ADAMTS12: variants seen among roughly 807,000 people sequenced by gnomAD.
ADAMTS12 encodes the protein ADAM metallopeptidase with thrombospondin type 1 motif 12, also known as A disintegrin and metalloproteinase with thrombospondin motifs 12.
Under a neutral mutation model 167.8 loss-of-function variants are expected in ADAMTS12, and 118 were observed. The observed-to-expected ratio is 0.70, with a 90% CI of 0.61 to 0.82. The LOEUF (loss-of-function observed/expected upper bound fraction) is 0.82, where lower values mean the gene tolerates loss of function less well. Ranked by LOEUF, ADAMTS12 falls within the 40% of genes least tolerant of loss-of-function variation. The pLI, the probability that ADAMTS12 is intolerant of heterozygous loss-of-function variation, is 0.00. For synonymous variants in ADAMTS12, 704 were observed against 716.9 expected, an observed-to-expected ratio of 0.98 and a Z score of 0.29; for missense variants, 1,916 against 1,998.8, an observed-to-expected ratio of 0.96 and a Z score of 0.79.
At chr5:33,575,790 C>T (rs1746666910) in intron 19 of ADAMTS12, among the ~76,000 whole-genome samples, 1 of 152,138 alleles carries the variant, frequency 6.6e-6, no homozygotes, top group African/African-American at 2.4e-5. Context: ...CAGGAACTCT[C>T]ATTTGGTTGG....
chr5:33,532,238 G>A (rs925594232), intron 23 of ADAMTS12, among the ~76,000 whole-genome samples: 10 of 152,116 alleles, frequency 6.6e-5, no homozygotes, highest in Non-Finnish European at 1.5e-4. Flanking sequence ...CAATTTCAAT[G>A]TTGTTGACAA....
chr5:33,843,154 G>A (rs994881927), intron 2 of ADAMTS12, among the ~76,000 whole-genome samples: 6 of 152,206 alleles, frequency 3.9e-5, no homozygotes, highest in South Asian at 2.1e-4. Flanking sequence ...GGGTTGGAAC[G>A]AGAGGAGAGC....
chr5:33,891,105 A>G (rs1279561164), intron 1 of ADAMTS12, among the ~76,000 whole-genome samples: 1 of 152,194 alleles, frequency 6.6e-6, no homozygotes, highest in Non-Finnish European at 1.5e-5. Context: ...TGCTTCCTAC[A>G]ATAACATGAG....
At chr5:33,662,707 C>A (rs570287514) in intron 5 of ADAMTS12, among the ~76,000 whole-genome samples, 1 of 152,246 alleles carries the variant, frequency 6.6e-6, no homozygotes, top group East Asian at 1.9e-4. Flanking sequence ...ACTGGGGCTA[C>A]GAGGGAAGGG....
chr5:33,824,427 A>G (rs1256133397), intron 2 of ADAMTS12, among the ~76,000 whole-genome samples: 1 of 152,228 alleles, frequency 6.6e-6, no homozygotes, highest in Non-Finnish European at 1.5e-5. Flanking sequence ...TTTTTAGAAG[A>G]GGACATTGCC....
rs1740397887 is a variant in ADAMTS12, at chr5:33,640,475, C to T, written c.1718+1335G>A. 2.0e-5 allele frequency among the ~76,000 whole-genome samples: 3 copies of T among 152,288 alleles called. No homozygotes were observed. In the South Asian group the frequency reaches 6.2e-4, roughly 32 times the overall value. ...ATAAGTCCCAGAGCAAATTGCCTTT[C>T]TTTTCTGATCTCTCAAATGAAAATG... On this transcript the variant is annotated intron_variant, in intron 11 of 23. Coordinates refer to ENST00000504830, the MANE Select transcript of ADAMTS12 (RefSeq NM_030955.4).
chr5:33,604,494 T>G (rs1201233261), intron 16 of ADAMTS12, among the ~76,000 whole-genome samples: 17 of 126,996 alleles, frequency 1.3e-4, no homozygotes, highest in Non-Finnish European at 2.5e-4. Flanking sequence ...AGACCAAAAC[T>G]CCATCTCAAA....
In ADAMTS12 at chr5:33,540,439, G is replaced by A. The variant is rs147291597; in HGVS notation, c.4447-5447C>T. Among the ~76,000 whole-genome samples the A allele has an allele frequency of 9.8e-3, 1,498 of 152,358 alleles. 22 individuals carry two copies. Among genetic ancestry groups the A allele is most frequent in the African/African-American group, 0.035 (1,435 of 41,580 alleles). The stretch of plus-strand genomic sequence containing the variant: ...CAGACTTAAACATCCCTGTCTGACA[G>A]CTCTGAAGAGAGCAGTGGTTCTCCC... On this transcript the variant is annotated intron_variant, in intron 22 of 23. Coordinates refer to ENST00000504830, the MANE Select transcript of ADAMTS12 (RefSeq NM_030955.4).
At chr5:33,742,586 T>C (rs11950512) in intron 3 of ADAMTS12, among the ~76,000 whole-genome samples, 3,134 of 152,290 alleles carry the variant, frequency 0.021, 104 homozygotes, top group African/African-American at 0.071. Context: ...CACCACACTG[T>C]AAACATACCT....
At chr5:33,605,249 C>T (rs186311934) in intron 16 of ADAMTS12, among the ~76,000 whole-genome samples, 2 of 152,316 alleles carry the variant, frequency 1.3e-5, no homozygotes, top group African/African-American at 4.8e-5. Context: ...CACATTTGTA[C>T]AATTTTTCCA....
At chr5:33,725,269 C>T (rs758577594) in intron 3 of ADAMTS12, among the ~76,000 whole-genome samples, 4 of 152,240 alleles carry the variant, frequency 2.6e-5, no homozygotes, top group East Asian at 1.9e-4. Flanking sequence ...ATTCCAATCC[C>T]GATTTCCTTC....
At chr5:33,746,934 C>T (rs965480222) in intron 3 of ADAMTS12, among the ~76,000 whole-genome samples, 3 of 152,168 alleles carry the variant, frequency 2.0e-5, no homozygotes, top group African/African-American at 4.8e-5. Flanking sequence ...CTAACCTGCC[C>T]TTTTGGATGG....
At chr5:33,767,191 A>C (rs568419625) in intron 2 of ADAMTS12, among the ~76,000 whole-genome samples, 40 of 152,318 alleles carry the variant, frequency 2.6e-4, no homozygotes, top group African/African-American at 9.6e-4. Flanking sequence ...GTTCAACATG[A>C]TTCCAACTTT....
At chr5:33,701,395 C>G (rs1216050184) in intron 3 of ADAMTS12, among the ~76,000 whole-genome samples, 1 of 152,128 alleles carries the variant, frequency 6.6e-6, no homozygotes, top group Non-Finnish European at 1.5e-5. Context: ...TAAGTATGAC[C>G]CAGTGAATTC....
At chr5:33,636,388 T>A (rs1159022166) in intron 12 of ADAMTS12, among the ~76,000 whole-genome samples, 6 of 152,096 alleles carry the variant, frequency 3.9e-5, no homozygotes, top group Admixed American at 3.9e-4. Context: ...TACACCTGAG[T>A]ATATGTCTGA....
intron 21 of ADAMTS12, among the ~76,000 whole-genome samples, chr5:33,547,588 C>A (rs1405271251): frequency 2.6e-5 from 4 of 152,140 alleles, no homozygotes; most frequent in Non-Finnish European, 4.4e-5. Flanking sequence ...GGGTACTCAA[C>A]TGACTTTTAC....
In ADAMTS12 at chr5:33,800,838, T is replaced by G. The variant is rs1746972774; in HGVS notation, c.490-49290A>C. Among the ~76,000 whole-genome samples the G allele has an allele frequency of 5.3e-5, 8 of 152,288 alleles. No homozygotes were observed. In the South Asian group the frequency reaches 1.7e-3, roughly 32 times the overall value. On this transcript the variant is annotated intron_variant, in intron 2 of 23. Coordinates refer to ENST00000504830, the MANE Select transcript of ADAMTS12 (RefSeq NM_030955.4). ...TTAAACAGAGATGTGGTTGCTTGAA[T>G]AACGGTATCTATGTCCTAATCCCTG...
chr5:33,873,706 T>C (rs777648728), intron 2 of ADAMTS12, among the ~76,000 whole-genome samples: 1 of 152,138 alleles, frequency 6.6e-6, no homozygotes, highest in Non-Finnish European at 1.5e-5. Context: ...AGTGAAAGAA[T>C]AGATAAATAG....
intron 9 of ADAMTS12, among the ~76,000 whole-genome samples, chr5:33,644,931 A>C (rs562718398): frequency 3.6e-4 from 54 of 152,064 alleles, no homozygotes; most frequent in African/African-American, 1.3e-3. Context: ...GGGGTTTCAC[A>C]GTGTTAGCCA....
Sources: allele counts gnomAD v4.1 joint callset (sites outside exome capture counted in the v4.1 genomes callset), GRCh38; gene constraint gnomAD v4.1.1; transcripts MANE v1.5; gene names NCBI Gene and HGNC (gene_info 2026-07-23, HGNC 2026-07-21).